Variants in PPP1R21 observed in about 807,000 individuals in gnomAD.
The protein encoded by PPP1R21 is protein phosphatase 1 regulatory subunit 21.
PPP1R21 carries 85 observed loss-of-function variants against 112.8 expected under a neutral mutation model. The observed-to-expected ratio is 0.75, with a 90% CI of 0.63 to 0.90. PPP1R21 has a LOEUF of 0.90. Ranked by LOEUF, PPP1R21 falls within the 40% of genes least tolerant of loss-of-function variation. The pLI is 0.00. For missense variants in PPP1R21, 1,199 were observed against 901.5 expected (o/e 1.33, Z -4.23); for synonymous variants, 381 against 322.3 (o/e 1.18, Z -1.95).
Position 48,469,488 on chromosome 2 carries a change from CAT to C in PPP1R21, c.898-1583_898-1582del, listed in dbSNP as rs70943340. 3.7e-3 allele frequency among the ~76,000 whole-genome samples: 166 copies of C among 44,760 alleles called. 19 individuals carry two copies. The highest frequency in any genetic ancestry group is 0.025 in the East Asian group (58 of 2,332). 29.4% of individuals were successfully genotyped at this position (44,760 alleles called of 152,430 possible). A position where few individuals can be genotyped will look rare whatever the true frequency, so the allele number is the denominator to read the frequency against. On this transcript the variant is annotated intron_variant, in intron 9 of 21. Coordinates refer to ENST00000294952, the MANE Select transcript of PPP1R21 (RefSeq NM_001135629.3). Reference sequence around the variant, plus strand: ...ATAGAGCATATATATATATATAGAGCATATATATATATATATAGAGCATATAT... The same window carrying C: ...ATAGAGCATATATATATATATAGAGCATATATATATATATAGAGCATATAT...
rs1184811606 is a variant in PPP1R21, at chr2:48,451,015, C to G, written c.65C>G (p.Ala22Gly). 1 of 1,613,216 alleles carries G rather than the reference C, an allele frequency of 6.2e-7. No individual in the cohort carries two copies. The change falls in exon 2 of 22, where the codon GCT (alanine) becomes GGT (glycine). Residue 22 changes from alanine to glycine, a missense_variant. By Grantham distance (60) the Ala-to-Gly change is moderately conservative. Coordinates refer to ENST00000294952, the MANE Select transcript of PPP1R21 (RefSeq NM_001135629.3). ...KLAQEYSKLR[A>G]QNQVLKKGVV... is the part of the protein sequence containing the mutation. ...TGCTTTCTCTGTTTTCAGCTTCGGG[C>G]TCAGAATCAGGTTCTGAAAAAAGGT...
chr2:48,514,657 A>T, intron 21 of PPP1R21, 58 bp from the exon 22 acceptor site: 1 of 1,272,474 alleles, frequency 7.9e-7, no homozygotes. Flanking sequence ...TTTATAAACT[A>T]TGTGAGTTAT....
intron 7 of PPP1R21, among the ~76,000 whole-genome samples, chr2:48,462,897 G>A (rs1668038272): frequency 6.6e-6 from 1 of 152,164 alleles, no homozygotes; most frequent in Non-Finnish European, 1.5e-5. Flanking sequence ...TTGGGGAGAT[G>A]TGGAAGATCT....
At chr2:48,460,632 A>T (rs900148120) in intron 6 of PPP1R21, among the ~76,000 whole-genome samples, 1 of 152,352 alleles carries the variant, frequency 6.6e-6, no homozygotes, top group African/African-American at 2.4e-5. Flanking sequence ...TTTTAATAGG[A>T]TCAACTAAGT....
At chr2:48,502,470 T>C (rs1043707513) in intron 17 of PPP1R21, among the ~76,000 whole-genome samples, 3 of 151,744 alleles carry the variant, frequency 2.0e-5, no homozygotes, top group Admixed American at 6.6e-5. Flanking sequence ...CCCCATGCCC[T>C]TTAAGTGACC....
rs771003714 is a variant in PPP1R21 at position 48,471,348 on chromosome 2, C to A, written c.1069C>A (p.Leu357Ile). Residue 357 changes from leucine to isoleucine, a missense_variant, in exon 11 of 22, where the codon CTT becomes ATT. Transcript: ENST00000294952. ...TSYICFLRKI[L>I]PYQLKSLEEE... is the part of the protein sequence containing the mutation. ...CTACATATGTTTTCTTAGGAAGATT[C>A]TTCCCTATCAGTTAAAAAGGTAGTT... The A allele has an allele frequency of 6.2e-7, 1 of 1,609,244 alleles. No homozygotes were observed. The highest frequency in any genetic ancestry group is 8.5e-7 in the Non-Finnish European group (1 of 1,178,588).
intron 18 of PPP1R21, 22 bp downstream of exon 18, chr2:48,505,618 G>C (rs577195742): frequency 1.3e-6 from 2 of 1,539,660 alleles, no homozygotes. Context: ...TTGTCATCAT[G>C]TTGTTTGTTA....
rs1670576236 is a variant in PPP1R21, at chr2:48,510,228, A to G, written c.2184+115A>G. 4.8e-6 allele frequency: 3 copies of G among 628,974 alleles called. No individual in the cohort carries two copies. The South Asian group carries it at 9.4e-5, about 20-fold the overall frequency. 39.0% of individuals were successfully genotyped at this position (628,974 alleles called of 1,614,324 possible). ...ATCTCTAGATATGCTTTTTAAGATA[A>G]CCACTGTATTTCTGATTCATTTAAA... On this transcript the variant is annotated intron_variant, in intron 20 of 21. Coordinates refer to ENST00000294952, the MANE Select transcript of PPP1R21 (RefSeq NM_001135629.3).
chr2:48,452,974 G>A (rs927140560), intron 2 of PPP1R21, among the ~76,000 whole-genome samples: 4 of 138,638 alleles, frequency 2.9e-5, no homozygotes, highest in Non-Finnish European at 6.1e-5. Context: ...TTTTTTTTGA[G>A]ACAGAGTCTT....
intron 1 of PPP1R21, among the ~76,000 whole-genome samples, chr2:48,442,253 C>T (rs567077546): frequency 6.6e-6 from 1 of 152,128 alleles, no homozygotes. Context: ...TTTGGCTCTA[C>T]TATTTTTGGT....
At position 48,484,361 on chromosome 2, in the gene PPP1R21, A is replaced by G. The variant is rs139374464; in HGVS notation, c.1319-2270A>G. Among the ~76,000 whole-genome samples, 375 of 152,304 alleles carry G rather than the reference A, an allele frequency of 2.5e-3. 3 individuals are homozygous for G. Among genetic ancestry groups the G allele is most frequent in the Non-Finnish European group, 4.1e-3 (278 of 68,024 alleles). ...TGAGAATTGTTTGATCTTTAGTCTC[A>G]GAGGTCTGAAGTTGGTAGACTCGTG... On this transcript the variant is annotated intron_variant, in intron 13 of 21. Transcript: ENST00000294952.
At chr2:48,441,037 G>C in intron 1 of PPP1R21, 27 bp downstream of exon 1, 1 of 1,555,038 alleles carries the variant, frequency 6.4e-7, no homozygotes, top group Non-Finnish European at 8.9e-7. Context: ...GGGAGTAGGG[G>C]GTCCCCCGCC....
At chr2:48,483,854 T>A (rs895519758) in intron 13 of PPP1R21, among the ~76,000 whole-genome samples, 4 of 152,150 alleles carry the variant, frequency 2.6e-5, no homozygotes, top group Non-Finnish European at 5.9e-5. Flanking sequence ...TTTTAATTTT[T>A]TAAATTTCTT....
chr2:48,456,254 T>TTC (rs1408786739), intron 3 of PPP1R21, among the ~76,000 whole-genome samples: 1 of 145,138 alleles, frequency 6.9e-6, no homozygotes, highest in African/African-American at 2.5e-5. Flanking sequence ...TTGCTGCTCT[T>TTC]TTTTTTTTTT....
At chr2:48,498,007 T>G (rs2103632588) in intron 16 of PPP1R21, among the ~76,000 whole-genome samples, 1 of 152,270 alleles carries the variant, frequency 6.6e-6, no homozygotes, top group East Asian at 1.9e-4. Context: ...TATTCTCTGC[T>G]TTTTATATTT....
At chr2:48,474,940 T>G (rs959508882) in intron 12 of PPP1R21, 121 bp downstream of exon 12, 1 of 805,984 alleles carries the variant, frequency 1.2e-6, no homozygotes, top group African/African-American at 1.8e-5. Flanking sequence ...CAGGAAAACT[T>G]GAATTCAAAT....
chr2:48,465,763 G>C (rs1668173874), intron 9 of PPP1R21, 121 bp downstream of exon 9: 2 of 774,400 alleles, frequency 2.6e-6, no homozygotes, highest in South Asian at 5.7e-5. Context: ...AACCCAAAAA[G>C]CATAGTTTTT....
chr2:48,453,770 A>G (rs1667588671), intron 2 of PPP1R21, among the ~76,000 whole-genome samples: 1 of 152,256 alleles, frequency 6.6e-6, no homozygotes, highest in Non-Finnish European at 1.5e-5. Flanking sequence ...ACAGCATATG[A>G]AAATATTTTT....
rs1553339044 is a variant in PPP1R21 at position 48,468,829 on chromosome 2, A to ATGTGTATGTG, written c.898-2253_898-2252insATGTGTGTGT. Among the ~76,000 whole-genome samples the ATGTGTATGTG allele has an allele frequency of 4.0e-3, 589 of 146,538 alleles. 1 individual carries two copies. The highest frequency in any genetic ancestry group is 7.3e-3 in the Admixed American group (107 of 14,558). ...GACCCTGTCTCAAGAAAAAAAATGT[A>ATGTGTATGTG]TGTGTGTGTGTGTGTGTGTGTGTGT... is the stretch of plus-strand genomic sequence containing the variant. On this transcript the variant is annotated intron_variant, in intron 9 of 21. Transcript: ENST00000294952.
Sources: gnomAD v4.1 joint callset for allele counts (sites outside exome capture counted in the v4.1 genomes callset) on GRCh38, gnomAD v4.1.1 for gene constraint, MANE v1.5 for transcripts, NCBI Gene and HGNC (gene_info 2026-07-23, HGNC 2026-07-21) for gene names.